The following PLEKHA7 variants were observed in gnomAD, a reference collection of about 807,000 sequenced individuals.
The protein encoded by PLEKHA7 is pleckstrin homology domain containing A7, also known as pleckstrin homology domain-containing family A member 7.
PLEKHA7 carries 104 observed loss-of-function variants against 170.0 expected under a neutral mutation model. The ratio of observed to expected loss-of-function variants is 0.61; its 90% CI spans 0.52 to 0.72. The LOEUF (loss-of-function observed/expected upper bound fraction) is 0.72. Among genes scored for constraint, PLEKHA7 ranks in the 30% least tolerant of loss-of-function variants. The pLI is 0.00. For synonymous variants in PLEKHA7, 648 were observed against 660.8 expected (o/e 0.98, Z 0.30); for missense variants, 1,615 against 1,671.7 (o/e 0.97, Z 0.59).
chr11:16,827,829 TA>T (rs11358170), intron 9 of PLEKHA7, among the ~76,000 whole-genome samples: 2,747 of 135,426 alleles, frequency 0.02, 81 homozygotes, highest in African/African-American at 0.069. Flanking sequence ...ACTCCATGGT[TA>T]AAAAAAAAAA....
chr11:16,993,435 T>C (rs1284831568), intron 3 of PLEKHA7, among the ~76,000 whole-genome samples: 2 of 152,148 alleles, frequency 1.3e-5, no homozygotes, highest in Non-Finnish European at 2.9e-5. Flanking sequence ...CCAGCACCCA[T>C]GGGTCATTCA....
At chr11:16,921,919 A>G (rs1859123345) in intron 3 of PLEKHA7, among the ~76,000 whole-genome samples, 2 of 152,262 alleles carry the variant, frequency 1.3e-5, no homozygotes, top group African/African-American at 4.8e-5. Context: ...ACAGGTATCC[A>G]GTTGCTCTTA....
intron 3 of PLEKHA7, among the ~76,000 whole-genome samples, chr11:16,889,002 C>T (rs1856418883): frequency 6.7e-6 from 1 of 149,930 alleles, no homozygotes; most frequent in East Asian, 1.9e-4. Context: ...TGAAGCTCAG[C>T]TATTGTAACC....
At chr11:16,973,091 G>A (rs1209527793) in intron 3 of PLEKHA7, among the ~76,000 whole-genome samples, 21 of 152,176 alleles carry the variant, frequency 1.4e-4, no homozygotes, top group African/African-American at 5.1e-4. Context: ...TTATTGTGAA[G>A]ACTGGGTGGG....
intron 3 of PLEKHA7, among the ~76,000 whole-genome samples, chr11:16,942,409 T>C (rs576449381): frequency 4.6e-5 from 7 of 152,306 alleles, no homozygotes; most frequent in South Asian, 2.1e-4. Flanking sequence ...GAAGTAGACA[T>C]TGGGGCCTTT....
At chr11:16,909,765 C>T (rs1181751477) in intron 3 of PLEKHA7, among the ~76,000 whole-genome samples, 1 of 152,250 alleles carries the variant, frequency 6.6e-6, no homozygotes, top group Non-Finnish European at 1.5e-5. Context: ...CTGATGCTTG[C>T]TTCACTGCCC....
Position 16,855,857 on chromosome 11 carries a change from A to C in PLEKHA7, c.363T>G (p.Ser121Arg). 6.2e-7 allele frequency: 1 copy of C among 1,614,162 alleles called. No homozygotes were observed. Among genetic ancestry groups the C allele is most frequent in the Non-Finnish European group, 8.5e-7 (1 of 1,180,022 alleles). ...DRNQRPSSMV[S>R]ETSTAGTAST... ...AGGCGGTCCCAGCCGTGGATGTTTC[A>C]CTGACCATGCTGGACGGTCTTTGGT... is the stretch of plus-strand genomic sequence containing the variant. Residue 121 changes from serine (S) to arginine (R), a missense_variant, in exon 5 of 27, where the codon AGT becomes AGG. By Grantham distance (110) the Ser-to-Arg change is moderately radical. Transcript: ENST00000531066.
chr11:16,852,590 TATA>T (rs1460835370), intron 6 of PLEKHA7, among the ~76,000 whole-genome samples: 1 of 152,220 alleles, frequency 6.6e-6, no homozygotes, highest in African/African-American at 2.4e-5. Flanking sequence ...CAAATTAATA[TATA>T]ATATTATAAG....
At chr11:16,894,704 C>T (rs1856890743) in intron 3 of PLEKHA7, among the ~76,000 whole-genome samples, 1 of 152,056 alleles carries the variant, frequency 6.6e-6, no homozygotes, top group Non-Finnish European at 1.5e-5. Flanking sequence ...CCACAGAAAA[C>T]CTACTGACTC....
chr11:16,813,924 G>A (rs1325529166), intron 12 of PLEKHA7, among the ~76,000 whole-genome samples: 1 of 152,224 alleles, frequency 6.6e-6, no homozygotes, highest in African/African-American at 2.4e-5. Context: ...GATCACAGAA[G>A]CTAACTGTGA....
chr11:16,974,034 A>C (rs940465670), intron 3 of PLEKHA7, among the ~76,000 whole-genome samples: 2 of 152,196 alleles, frequency 1.3e-5, no homozygotes, highest in Admixed American at 6.5e-5. Context: ...TTCAACAAGC[A>C]CATTTTTCAT....
chr11:16,803,070 T>C lies in PLEKHA7; in HGVS notation c.2077-18A>G. 1 of 1,606,834 alleles carries C rather than the reference T, an allele frequency of 6.2e-7. No homozygotes were observed. On this transcript the variant is annotated intron_variant, in intron 14 of 26. Transcript: ENST00000531066. ...AGTTTGACCTAAAAGCAAGAACAGG[T>C]GGAGAGGGCCTGGGGTGATGAGAAA... is the stretch of plus-strand genomic sequence containing the variant.
intron 3 of PLEKHA7, among the ~76,000 whole-genome samples, chr11:16,987,263 A>AC (rs1399422496): frequency 3.0e-5 from 2 of 65,628 alleles, no homozygotes; most frequent in Non-Finnish European, 2.9e-5. Flanking sequence ...CATCCCCCAC[A>AC]CCCCCCACTG....
At chr11:16,866,823 C>A (rs1028588637) in intron 4 of PLEKHA7, among the ~76,000 whole-genome samples, 1 of 152,082 alleles carries the variant, frequency 6.6e-6, no homozygotes, top group Non-Finnish European at 1.5e-5. Flanking sequence ...TTATTTCTTT[C>A]GTTTATGCCT....
intron 3 of PLEKHA7, among the ~76,000 whole-genome samples, chr11:16,952,087 C>T (rs1861439203): frequency 6.6e-6 from 1 of 152,204 alleles, no homozygotes; most frequent in Non-Finnish European, 1.5e-5. Context: ...CACAGGTCCC[C>T]CAAGATCAGT....
chr11:16,885,667 C>A (rs1196792339), intron 3 of PLEKHA7, among the ~76,000 whole-genome samples: 1 of 151,712 alleles, frequency 6.6e-6, no homozygotes, highest in African/African-American at 2.4e-5. Flanking sequence ...CAACAGTGGA[C>A]TCACTCTTAA....
chr11:16,784,071 A>T (rs1174077771), intron 24 of PLEKHA7, among the ~76,000 whole-genome samples: 1 of 152,258 alleles, frequency 6.6e-6, no homozygotes, highest in East Asian at 1.9e-4. Context: ...GGGGGAAGGG[A>T]AGGGCGAAAT....
At chr11:17,010,614 T>G (rs1238217780) in intron 3 of PLEKHA7, among the ~76,000 whole-genome samples, 1 of 152,066 alleles carries the variant, frequency 6.6e-6, no homozygotes, top group Non-Finnish European at 1.5e-5. Context: ...TCTTAAAATT[T>G]TTTCAAAAAT....
intron 3 of PLEKHA7, among the ~76,000 whole-genome samples, chr11:16,903,936 G>A (rs1049648243): frequency 2.6e-5 from 4 of 152,146 alleles, no homozygotes; most frequent in African/African-American, 4.8e-5. Flanking sequence ...GAAAAGGATC[G>A]CTGCAACTTC....
Sources: allele counts gnomAD v4.1 joint callset (sites outside exome capture counted in the v4.1 genomes callset), GRCh38; gene constraint gnomAD v4.1.1; transcripts MANE v1.5; gene names NCBI Gene and HGNC (gene_info 2026-07-23, HGNC 2026-07-21).